Variants in AVPR1A observed in about 807,000 individuals in gnomAD.
AVPR1A encodes the protein arginine vasopressin receptor 1A.
AVPR1A carries 31 observed loss-of-function variants against 31.5 expected under a neutral mutation model. The observed-to-expected ratio is 0.99, with a 90% confidence interval of 0.74 to 1.33. The LOEUF is 1.33. Among genes scored for constraint, AVPR1A ranks in the 40% most tolerant of loss-of-function variants. AVPR1A has a pLI of 0.00. For synonymous variants in AVPR1A, 243 were observed against 233.2 expected, an observed-to-expected ratio of 1.04 and a Z score of -0.38; for missense variants, 570 against 575.2, an observed-to-expected ratio of 0.99 and a Z score of 0.09.
intron 1 of AVPR1A, 44 bp downstream of exon 1, chr12:63,149,823 C>CACACACAA: frequency 6.3e-7 from 1 of 1,589,944 alleles, no homozygotes; most frequent in Non-Finnish European, 8.6e-7. Context: ...CACACACACA[C>CACACACAA]ACACTCCTAT....
At position 63,142,779 on chromosome 12, in the gene AVPR1A, A is replaced by G. The variant is rs960731967; in HGVS notation, c.*4580T>C. ...ACAAATCCAAAACTTATTTTTGTTT[A>G]TAGAAACAAGACAACACACAGTAAA... On this transcript the variant is annotated 3_prime_UTR_variant, in exon 2 of 2. Coordinates refer to ENST00000299178, the MANE Select transcript of AVPR1A (RefSeq NM_000706.5). 3 of 152,192 alleles carry G rather than the reference A, an allele frequency of 2.0e-5. No homozygotes were observed. The highest frequency in any genetic ancestry group is 4.4e-5 in the Non-Finnish European group (3 of 68,002). The allele number at this position is 152,192 out of a possible 1,614,324, so 9.4% of individuals were successfully genotyped here.
Position 63,150,731 on chromosome 12 carries a change from C to G in AVPR1A, c.106G>C (p.Gly36Arg). The change falls in exon 1 of 2, where the codon GGG becomes CGG. Residue 36 changes from glycine to arginine, a missense_variant. Coordinates refer to ENST00000299178, the MANE Select transcript of AVPR1A (RefSeq NM_000706.5). This position sits in a 1 kb window ranked among gnomAD's most constrained non-coding sequence, Gnocchi z 4.9. ...TCCCTCGGTGGGCCGTTGCCCTCCC[C>G]GAGGGCTTCGGCCTCCCGGCTTGTG... ...GNTSREAEAL[G>R]EGNGPPRDVR... The G allele has an allele frequency of 1.2e-6, 2 of 1,602,888 alleles. No individual in the cohort carries two copies. Among genetic ancestry groups the G allele is most frequent in the Non-Finnish European group, 1.7e-6 (2 of 1,179,766 alleles).
chr12:63,150,925 G>T lies in AVPR1A; in HGVS notation c.-89C>A. 18 of 1,434,518 alleles carry T rather than the reference G, an allele frequency of 1.3e-5. No individual in the cohort carries two copies. The highest frequency in any genetic ancestry group is 1.6e-5 in the Non-Finnish European group (18 of 1,099,212). 88.9% of individuals were successfully genotyped at this position (1,434,518 alleles called of 1,614,324 possible). On this transcript the variant is annotated 5_prime_UTR_variant, in exon 1 of 2. Coordinates refer to ENST00000299178, the MANE Select transcript of AVPR1A (RefSeq NM_000706.5). The surrounding 1 kb of genome is among the most constrained non-coding windows in gnomAD (Gnocchi z 4.9). ...CCGTCTCGGAGGACTTGGGCTCCTC[G>T]TCCGAAGCGCAGGGTCTTTGGCGCG...
intron 1 of AVPR1A, among the ~76,000 whole-genome samples, chr12:63,148,210 T>G (rs897828578): frequency 5.9e-5 from 9 of 152,144 alleles, no homozygotes; most frequent in Non-Finnish European, 7.4e-5. Flanking sequence ...CATCTGTGGT[T>G]GTGGTTCAAA....
chr12:63,151,104 G>C lies in AVPR1A; in HGVS notation c.-268C>G. On this transcript the variant is annotated 5_prime_UTR_variant, in exon 1 of 2. Coordinates refer to ENST00000299178, the MANE Select transcript of AVPR1A (RefSeq NM_000706.5). ...GCGAGGTCGGGAAGGTGAGCTCCGA[G>C]CTTCCGGAAGCACTGGGTTCCCAAC... The C allele has an allele frequency of 2.2e-6, 1 of 453,138 alleles. No homozygotes were observed. Among genetic ancestry groups the C allele is most frequent in the Non-Finnish European group, 3.9e-6 (1 of 256,882 alleles). 28.1% of individuals were successfully genotyped at this position (453,138 alleles called of 1,614,324 possible).
intron 1 of AVPR1A, among the ~76,000 whole-genome samples, chr12:63,149,074 T>A (rs112381724): frequency 1.3e-5 from 2 of 152,288 alleles, no homozygotes; most frequent in African/African-American, 4.8e-5. Context: ...AACACAATAG[T>A]AGGTGCAGAG....
Position 63,150,105 on chromosome 12 carries a change from C to A in AVPR1A, c.732G>T (p.Trp244Cys), listed in dbSNP as rs1348420810. 1.9e-6 allele frequency: 3 copies of A among 1,613,958 alleles called. No homozygotes were observed. Among genetic ancestry groups the A allele is most frequent in the Non-Finnish European group, 2.5e-6 (3 of 1,179,962 alleles). ...ACGCCGTCTTCCCGCGGACGTTGCA[C>A]CAGATGTTGTAGCAGATGAAGCCGT... is the stretch of plus-strand genomic sequence containing the variant. ...TCYGFICYNI[W>C]CNVRGKTASR... The change falls in exon 1 of 2, where the codon TGG (tryptophan) becomes TGT (cysteine). Residue 244 changes from tryptophan (W) to cysteine (C), a missense_variant. By Grantham distance (215) the Trp-to-Cys change is radical. Transcript: ENST00000299178. The surrounding 1 kb of genome is among the most constrained non-coding windows in gnomAD (Gnocchi z 4.9).
rs1019727544 is a variant in AVPR1A, at chr12:63,150,966, G to A, written c.-130C>T. The A allele has an allele frequency of 1.5e-6, 2 of 1,342,268 alleles. No homozygotes were observed. The highest frequency in any genetic ancestry group is 1.5e-5 in the African/African-American group (1 of 67,828). The allele number at this position is 1,342,268 out of a possible 1,614,324, so 83.1% of individuals were successfully genotyped here. ...CTTTGGCGCGCTCGCAGCTTGCCGG[G>A]CTCTGCGATCCCTCCAGTGGGCGTC... On this transcript the variant is annotated 5_prime_UTR_variant, in exon 1 of 2. Coordinates refer to ENST00000299178, the MANE Select transcript of AVPR1A (RefSeq NM_000706.5). The surrounding 1 kb of genome is among the most constrained non-coding windows in gnomAD (Gnocchi z 4.9).
intron 1 of AVPR1A, among the ~76,000 whole-genome samples, chr12:63,147,944 T>C (rs74097652): frequency 0.063 from 9,631 of 152,242 alleles, 759 homozygotes; most frequent in African/African-American, 0.19. Flanking sequence ...AAAAAATCTC[T>C]ATCTTCTATA....
At position 63,143,667 on chromosome 12, in the gene AVPR1A, T is replaced by C. The variant is rs1450951040; in HGVS notation, c.*3692A>G. 6.6e-6 allele frequency: 1 copy of C among 152,130 alleles called. No homozygotes were observed. The highest frequency in any genetic ancestry group is 6.6e-5 in the Admixed American group (1 of 15,264). The allele number at this position is 152,130 out of a possible 1,614,324, so 9.4% of individuals were successfully genotyped here. A position where few individuals can be genotyped will look rare whatever the true frequency, so the allele number is the denominator to read the frequency against. ...AAATGTTGTCAACAATACTGAGTAG[T>C]ACCAAAAGGGCTGGATGGAGGGGGT... is the stretch of plus-strand genomic sequence containing the variant. On this transcript the variant is annotated 3_prime_UTR_variant, in exon 2 of 2. Coordinates refer to ENST00000299178, the MANE Select transcript of AVPR1A (RefSeq NM_000706.5).
In AVPR1A at chr12:63,150,518, G is replaced by T; in HGVS notation, c.319C>A (p.Pro107Thr). 8 of 1,613,078 alleles carry T rather than the reference G, an allele frequency of 5.0e-6. No individual in the cohort carries two copies. The highest frequency in any genetic ancestry group is 5.9e-6 in the Non-Finnish European group (7 of 1,179,744). ...DLAVAFFQVL[P>T]QMCWDITYRF... ...TAGGTGATGTCCCAGCACATTTGCG[G>T]CAGCACCTGGAAGAATGCCACGGCC... The change falls in exon 1 of 2, where the codon CCG becomes ACG. Residue 107 changes from proline to threonine, a missense_variant. Physicochemically the swap from Pro to Thr is conservative, Grantham distance 38 (BLOSUM62 -1). Coordinates refer to ENST00000299178, the MANE Select transcript of AVPR1A (RefSeq NM_000706.5). The surrounding 1 kb of genome is among the most constrained non-coding windows in gnomAD (Gnocchi z 4.9).
chr12:63,150,638 G>A lies in AVPR1A; in HGVS notation c.199C>T (p.Leu67=), dbSNP rs149831689. ...VLAVTFAVAV[L]GNSSVLLALH... is the part of the protein sequence containing the mutation. ...GCCAGCAGTACGCTGCTGTTGCCCA[G>A]CACGGCCACCGCGAAAGTCACCGCC... Residue 67 remains leucine (L), a synonymous_variant, in exon 1 of 2, where the codon CTG becomes TTG. Transcript: ENST00000299178. The surrounding 1 kb of genome is among the most constrained non-coding windows in gnomAD (Gnocchi z 4.9). The A allele has an allele frequency of 6.1e-5, 98 of 1,609,370 alleles. No homozygotes were observed. In the African/African-American group the frequency reaches 1.1e-3, roughly 18 times the overall value.
intron 1 of AVPR1A, among the ~76,000 whole-genome samples, chr12:63,147,948 T>G (rs1011973760): frequency 2.0e-5 from 3 of 152,206 alleles, no homozygotes; most frequent in Non-Finnish European, 4.4e-5. Flanking sequence ...AATCTCTATC[T>G]TCTATACTCG....
rs763541908 is a variant in AVPR1A, at chr12:63,150,693, C to G, written c.144G>C (p.Glu48Asp). Residue 48 changes from glutamate to aspartate, a missense_variant, in exon 1 of 2, where the codon GAG becomes GAC. Physicochemically the swap from Glu to Asp is conservative, Grantham distance 45. Coordinates refer to ENST00000299178, the MANE Select transcript of AVPR1A (RefSeq NM_000706.5). The surrounding 1 kb of genome is among the most constrained non-coding windows in gnomAD (Gnocchi z 4.9). ...CGGCGATCTCCAGTTTGGCCAGCTCCTCGTTGCGCACGTCCCTCGGTGGGC... is the reference window on the plus strand; with the variant it reads ...CGGCGATCTCCAGTTTGGCCAGCTCGTCGTTGCGCACGTCCCTCGGTGGGC... ...GNGPPRDVRN[E>D]ELAKLEIAVL... The G allele has an allele frequency of 1.2e-5, 19 of 1,607,360 alleles. No homozygotes were observed. Among genetic ancestry groups the G allele is most frequent in the Non-Finnish European group, 1.0e-5 (12 of 1,179,870 alleles).
Position 63,147,389 on chromosome 12 carries a change from C to A in AVPR1A, c.1227G>T (p.Lys409Asn). ...TTGAAACAGGAATGAATTTGATGGA[C>A]TTGGAAGATTTAGGCGAGTCCTTCC... ...GMWKDSPKSS[K>N]SIKFIPVST The change falls in exon 2 of 2, where the codon AAG (lysine) becomes AAT (asparagine). Residue 409 changes from lysine (K) to asparagine (N), a missense_variant. Transcript: ENST00000299178. 1 of 1,613,902 alleles carries A rather than the reference C, an allele frequency of 6.2e-7. No individual in the cohort carries two copies. Among genetic ancestry groups the A allele is most frequent in the South Asian group, 1.1e-5 (1 of 91,060 alleles).
chr12:63,143,595 G>A lies in AVPR1A; in HGVS notation c.*3764C>T, dbSNP rs573785798. The A allele has an allele frequency of 1.3e-5, 2 of 152,214 alleles. No individual in the cohort carries two copies. The highest frequency in any genetic ancestry group is 2.1e-4 in the South Asian group (1 of 4,826). The allele number at this position is 152,214 out of a possible 1,614,324, so 9.4% of individuals were successfully genotyped here. On this transcript the variant is annotated 3_prime_UTR_variant, in exon 2 of 2. Transcript: ENST00000299178. ...AAATCGGCTGAGGTCCAATTCTAACGGAGAATCATTCTCTAATACTTACTG... is the reference window on the plus strand; with the variant it reads ...AAATCGGCTGAGGTCCAATTCTAACAGAGAATCATTCTCTAATACTTACTG...
rs1356345399 is a variant in AVPR1A, at chr12:63,145,485, T to C, written c.*1874A>G. ...ACTAAAAATATAAAAATTAGCTGGG[T>C]GTGGTGGCACATGCATATAGTCCCA... On this transcript the variant is annotated 3_prime_UTR_variant, in exon 2 of 2. Coordinates refer to ENST00000299178, the MANE Select transcript of AVPR1A (RefSeq NM_000706.5). 27 of 414,758 alleles carry C rather than the reference T, an allele frequency of 6.5e-5. No individual in the cohort carries two copies. Among genetic ancestry groups the C allele is most frequent in the Non-Finnish European group, 1.3e-4 (27 of 212,758 alleles). The allele number at this position is 414,758 out of a possible 1,614,324, so 25.7% of individuals were successfully genotyped here. A position where few individuals can be genotyped will look rare whatever the true frequency, so the allele number is the denominator to read the frequency against.
Position 63,150,565 on chromosome 12 carries a change from CG to C in AVPR1A, c.271del (p.Arg91AspfsTer37), listed in dbSNP as rs1257695187. ...RKTSRMHLFI[R>X]HLSLADLAVA... ...GGCCAGGTCGGCCAGGCTGAGGTGTCGGATGAAGAGGTGCATGCGGGACGTC... is the reference window on the plus strand; with the variant it reads ...GGCCAGGTCGGCCAGGCTGAGGTGTCGATGAAGAGGTGCATGCGGGACGTC... On this transcript the variant is annotated frameshift_variant, in exon 1 of 2. Transcript: ENST00000299178. LOFTEE classifies it high-confidence loss of function. The surrounding 1 kb of genome is among the most constrained non-coding windows in gnomAD (Gnocchi z 4.9). 2 of 1,612,598 alleles carry C rather than the reference CG, an allele frequency of 1.2e-6. No homozygotes were observed. The highest frequency in any genetic ancestry group is 1.7e-6 in the Non-Finnish European group (2 of 1,179,874).
In AVPR1A at chr12:63,145,760, A is replaced by G. The variant is rs1277083153; in HGVS notation, c.*1599T>C. The G allele has an allele frequency of 6.5e-6, 1 of 154,866 alleles. No individual in the cohort carries two copies. Among genetic ancestry groups the G allele is most frequent in the Non-Finnish European group, 1.4e-5 (1 of 69,718 alleles). 9.6% of individuals were successfully genotyped at this position (154,866 alleles called of 1,614,324 possible). ...AGGAAAAAAATCACTGAGTTCCATT[A>G]ATGAAAAATGTAATAACAGCAAAGT... is the stretch of plus-strand genomic sequence containing the variant. On this transcript the variant is annotated 3_prime_UTR_variant, in exon 2 of 2. Coordinates refer to ENST00000299178, the MANE Select transcript of AVPR1A (RefSeq NM_000706.5).
Sources: allele counts gnomAD v4.1 joint callset (sites outside exome capture counted in the v4.1 genomes callset), GRCh38; gene constraint gnomAD v4.1.1; non-coding constraint Gnocchi (gnomAD v3.1); transcripts MANE v1.5; gene names NCBI Gene and HGNC (gene_info 2026-07-23, HGNC 2026-07-21).